The following DNASE1 variants were observed in gnomAD, a reference collection of about 807,000 sequenced individuals.
DNASE1 encodes deoxyribonuclease 1, also known as deoxyribonuclease-1.
DNASE1 carries 40 observed loss-of-function variants against 33.9 expected under a neutral mutation model. That is an observed-to-expected ratio of 1.18 (90% CI 0.92 to 1.54). The LOEUF is 1.54. DNASE1 is among the 40% of genes most tolerant of loss of function. The probability of loss-of-function intolerance (pLI) is 0.00; values close to 1 mark genes in which losing one functional copy is unlikely to be tolerated. For missense variants in DNASE1, 518 were observed against 372.6 expected (o/e 1.39, Z -3.21); for synonymous variants, 216 against 160.0 (o/e 1.35, Z -2.64).
intron 1 of DNASE1, among the ~76,000 whole-genome samples, chr16:3,616,191 A>G (rs559138269): frequency 6.6e-6 from 1 of 152,304 alleles, no homozygotes; most frequent in South Asian, 2.1e-4. Context: ...ATTTTGCTCT[A>G]TATGTTCTGC....
intron 1 of DNASE1, among the ~76,000 whole-genome samples, chr16:3,626,915 A>C (rs942190140): frequency 6.6e-6 from 1 of 152,050 alleles, no homozygotes; most frequent in Non-Finnish European, 1.5e-5. Context: ...TATGTCACCC[A>C]GGCTGGAGCA....
chr16:3,663,526 G>C, exon 10 of DNASE1: 3 of 1,614,148 alleles, frequency 1.9e-6, no homozygotes, highest in Non-Finnish European at 1.7e-6. Context: ...AGGTGCAGCA[G>C]GGTGAGCTCA....
chr16:3,622,238 G>T (rs551170159), intron 1 of DNASE1, among the ~76,000 whole-genome samples: 1 of 150,842 alleles, frequency 6.6e-6, no homozygotes, highest in South Asian at 2.1e-4. Flanking sequence ...AAAAACGGAG[G>T]CTGAATCAGT....
At chr16:3,664,966 C>T (rs1397359488) in exon 10 of DNASE1, 1 of 155,588 alleles carries the variant, frequency 6.4e-6, no homozygotes, top group African/African-American at 2.4e-5. Context: ...GCAGCTGTGA[C>T]CTCTAGAGCT....
At chr16:3,644,259 T>C (rs1169867224) in intron 1 of DNASE1, among the ~76,000 whole-genome samples, 2 of 150,706 alleles carry the variant, frequency 1.3e-5, no homozygotes, top group East Asian at 3.9e-4. Flanking sequence ...ACCTTGTCTC[T>C]ACTAAAAATT....
At chr16:3,616,044 A>C (rs568372882) in intron 1 of DNASE1, among the ~76,000 whole-genome samples, 37 of 152,194 alleles carry the variant, frequency 2.4e-4, no homozygotes, top group African/African-American at 8.9e-4. Context: ...GTATAGTCAC[A>C]TTTTCTAGAC....
chr16:3,614,067 C>G (rs1037483181), intron 1 of DNASE1, among the ~76,000 whole-genome samples: 1 of 152,064 alleles, frequency 6.6e-6, no homozygotes, highest in African/African-American at 2.4e-5. Context: ...CGCCCGCCAC[C>G]ACACCTGGCT....
At chr16:3,617,157 T>C (rs958523763) in intron 1 of DNASE1, among the ~76,000 whole-genome samples, 4 of 151,468 alleles carry the variant, frequency 2.6e-5, no homozygotes, top group African/African-American at 7.3e-5. Flanking sequence ...AGAAACCCCG[T>C]CTGTACTAAA....
exon 10 of DNASE1, chr16:3,663,620 G>A (rs1031858332): frequency 2.5e-6 from 4 of 1,605,796 alleles, no homozygotes; most frequent in African/African-American, 1.3e-5. Flanking sequence ...CACCACAGAA[G>A]AAAGGATGAG....
In DNASE1 at chr16:3,657,126, GGGGCAGTGGGCACCAGC is replaced by G; in HGVS notation, c.549+18_549+34del. On this transcript the variant is annotated intron_variant, in intron 6 of 8. Coordinates refer to ENST00000246949, the MANE Select transcript of DNASE1 (RefSeq NM_005223.4). ...GGGGCTTGGAGGTGAGGCCCTCCCA[GGGGCAGTGGGCACCAGC>G]GGCCTCCGCATGTCCCAGGGCCACA... 3 of 1,614,102 alleles carry G rather than the reference GGGGCAGTGGGCACCAGC, an allele frequency of 1.9e-6. No individual in the cohort carries two copies. The South Asian group carries it at 3.3e-5, about 18-fold the overall frequency.
chr16:3,619,201 A>AT lies in DNASE1; in HGVS notation c.-1359+7201dup, dbSNP rs568470021. 2.3e-4 allele frequency among the ~76,000 whole-genome samples: 35 copies of AT among 150,210 alleles called. 1 individual carries two copies. In the East Asian group the frequency reaches 6.7e-3, roughly 29 times the overall value. On this transcript the variant is annotated intron_variant and NMD_transcript_variant, in intron 1 of 11. Transcript: ENST00000570769. ...AGGCATGTAAAACCACACCTGGCTAATTTTTTGTATTTTTAGTAGAGAAAG... is the reference window on the plus strand; with the variant it reads ...AGGCATGTAAAACCACACCTGGCTAATTTTTTTGTATTTTTAGTAGAGAAAG...
In DNASE1 at chr16:3,644,303, C is replaced by T. The variant is rs1372899157; in HGVS notation, c.-86+1267C>T. Among the ~76,000 whole-genome samples, 3 of 152,068 alleles carry T rather than the reference C, an allele frequency of 2.0e-5. No homozygotes were observed. The East Asian group carries it at 5.8e-4, about 29-fold the overall frequency. On this transcript the variant is annotated intron_variant, in intron 1 of 9. Coordinates refer to the DNASE1 transcript ENST00000407479. Reference sequence around the variant, plus strand: ...TTAGGCCGGGTGCAGTGGCTGACACCTGTAATCGCAGCACCTTGGGAGGCC... The same window carrying T: ...TTAGGCCGGGTGCAGTGGCTGACACTTGTAATCGCAGCACCTTGGGAGGCC...
intron 1 of DNASE1, among the ~76,000 whole-genome samples, chr16:3,624,671 A>G (rs2041444569): frequency 6.6e-6 from 1 of 152,226 alleles, no homozygotes; most frequent in South Asian, 2.1e-4. Context: ...TTTTTTTGCA[A>G]TCAATTTTTC....
downstream of DNASE1, chr16:3,660,956 G>A (rs920423411): frequency 6.2e-5 from 4 of 64,418 alleles, no homozygotes; most frequent in Admixed American, 4.2e-4. Context: ...CTACATTGTG[G>A]GGGGGGTGGT....
chr16:3,614,661 T>C (rs1218576480), intron 1 of DNASE1, among the ~76,000 whole-genome samples: 1 of 152,214 alleles, frequency 6.6e-6, no homozygotes, highest in Non-Finnish European at 1.5e-5. Flanking sequence ...GGGGGGAGGC[T>C]GACTTGCCTG....
downstream of DNASE1, chr16:3,658,167 A>G (rs770589252): frequency 5.6e-6 from 9 of 1,613,968 alleles, no homozygotes; most frequent in Non-Finnish European, 7.6e-6. Context: ...AGCTCATTCA[A>G]GCGGCCCACC....
chr16:3,627,350 A>G, intron 1 of DNASE1, among the ~76,000 whole-genome samples: 1 of 149,906 alleles, frequency 6.7e-6, no homozygotes, highest in African/African-American at 2.5e-5. Flanking sequence ...ATCACGGCTC[A>G]CTGCAGCATT....
At chr16:3,645,599 G>A (rs2042149613) in intron 1 of DNASE1, among the ~76,000 whole-genome samples, 1 of 152,216 alleles carries the variant, frequency 6.6e-6, no homozygotes, top group South Asian at 2.1e-4. Context: ...GCCGGCGGAG[G>A]CTGAGCCAAC....
intron 1 of DNASE1, among the ~76,000 whole-genome samples, chr16:3,624,140 G>C (rs980682882): frequency 6.6e-6 from 1 of 151,846 alleles, no homozygotes; most frequent in South Asian, 2.1e-4. Context: ...AGCTGGGCGC[G>C]GTAGTGCACG....
Sources: gnomAD v4.1 joint callset for allele counts (sites outside exome capture counted in the v4.1 genomes callset) on GRCh38, gnomAD v4.1.1 for gene constraint, MANE v1.5 for transcripts, NCBI Gene and HGNC (gene_info 2026-07-23, HGNC 2026-07-21) for gene names.